The following SPATS2 variants were observed in gnomAD, a reference collection of about 807,000 sequenced individuals.
SPATS2 encodes the protein spermatogenesis associated serine rich 2, also known as spermatogenesis-associated serine-rich protein 2.
A neutral mutation model predicts 63.7 loss-of-function variants in SPATS2; 38 were observed. The ratio of observed to expected loss-of-function variants is 0.60; its 90% CI spans 0.46 to 0.78. The LOEUF (loss-of-function observed/expected upper bound fraction) is 0.78, where lower values mean the gene tolerates loss of function less well. SPATS2 is among the 30% of genes least tolerant of loss of function. The probability of loss-of-function intolerance (pLI) is 0.00; values close to 1 mark genes in which losing one functional copy is unlikely to be tolerated. For missense variants in SPATS2, 588 were observed against 666.2 expected, an observed-to-expected ratio of 0.88 and a Z score of 1.29; for synonymous variants, 207 against 232.9, an observed-to-expected ratio of 0.89 and a Z score of 1.01.
chr12:49,431,750 AG>A (rs1180206813), intron 2 of SPATS2, among the ~76,000 whole-genome samples: 2 of 151,958 alleles, frequency 1.3e-5, no homozygotes, highest in Non-Finnish European at 2.9e-5. Flanking sequence ...TTGTCTTGCT[AG>A]GGTGGGTGTG....
At chr12:49,402,338 G>T (rs570327978) in intron 2 of SPATS2, among the ~76,000 whole-genome samples, 15 of 152,314 alleles carry the variant, frequency 9.8e-5, no homozygotes, top group African/African-American at 3.6e-4. Flanking sequence ...GGAGGAAAAT[G>T]AGGATGTAAG....
intron 2 of SPATS2, among the ~76,000 whole-genome samples, chr12:49,435,533 C>T (rs566434875): frequency 1.3e-5 from 2 of 149,520 alleles, no homozygotes; most frequent in South Asian, 4.3e-4. Context: ...GCCATGATGG[C>T]CAGGCTGGTC....
chr12:49,444,508 T>C (rs952711692), intron 2 of SPATS2, among the ~76,000 whole-genome samples: 3 of 152,114 alleles, frequency 2.0e-5, no homozygotes. Flanking sequence ...TGTGAGCCAT[T>C]ACACCCAGCC....
chr12:49,491,021 G>T, intron 6 of SPATS2: 1 of 232,478 alleles, frequency 4.3e-6, no homozygotes. Flanking sequence ...GCACGTGCCT[G>T]TAATCCCAGT....
chr12:49,458,754 G>A lies in SPATS2; in HGVS notation c.-243-2016G>A, dbSNP rs1001301462. On this transcript the variant is annotated intron_variant, in intron 2 of 13. Coordinates refer to ENST00000552918, the MANE Select transcript of SPATS2 (RefSeq NM_023071.4). ...CTCGTTTTTTTTTTTTTTTTTAATT[G>A]TTAGCACATCTCTGCTGGCAGGAAC... 1.1e-4 allele frequency among the ~76,000 whole-genome samples: 15 copies of A among 135,188 alleles called. 1 individual carries two copies. The highest frequency in any genetic ancestry group is 4.2e-4 in the African/African-American group (15 of 35,950). 88.7% of individuals were successfully genotyped at this position (135,188 alleles called of 152,430 possible). A position where few individuals can be genotyped will look rare whatever the true frequency, so the allele number is the denominator to read the frequency against.
intron 2 of SPATS2, among the ~76,000 whole-genome samples, chr12:49,443,798 T>C (rs1945465032): frequency 6.6e-6 from 1 of 152,192 alleles, no homozygotes; most frequent in Admixed American, 6.5e-5. Flanking sequence ...TGTCCATAGA[T>C]ATGAAGGTTT....
Position 49,494,971 on chromosome 12 carries a change from G to A in SPATS2, c.495G>A (p.Glu165=). 3 of 1,613,514 alleles carry A rather than the reference G, an allele frequency of 1.9e-6. No individual in the cohort carries two copies. Among genetic ancestry groups the A allele is most frequent in the Non-Finnish European group, 2.5e-6 (3 of 1,179,782 alleles). Residue 165 remains glutamate (E), a synonymous_variant, in exon 7 of 14, where the codon GAG becomes GAA. Coordinates refer to ENST00000552918, the MANE Select transcript of SPATS2 (RefSeq NM_023071.4). ...ATGCCAGAGAATTGGAGGATCCCGA[G>A]TCTGCCATGCTAGATACGCTGGATA... ...SIDARELEDP[E]SAMLDTLDRT...
At chr12:49,445,088 A>G (rs2137573780) in intron 2 of SPATS2, among the ~76,000 whole-genome samples, 1 of 152,146 alleles carries the variant, frequency 6.6e-6, no homozygotes, top group South Asian at 2.1e-4. Flanking sequence ...TGATGCCTTT[A>G]CTTTCTTTTC....
chr12:49,478,657 A>G (rs907439671), intron 3 of SPATS2, among the ~76,000 whole-genome samples: 1 of 152,188 alleles, frequency 6.6e-6, no homozygotes, highest in Admixed American at 6.5e-5. Flanking sequence ...ATTAGAGAAA[A>G]TATGTTAAGT....
chr12:49,412,110 A>G (rs1254387224), intron 2 of SPATS2, among the ~76,000 whole-genome samples: 1 of 152,186 alleles, frequency 6.6e-6, no homozygotes, highest in East Asian at 1.9e-4. Context: ...AGTTCTGCAG[A>G]TACAACTGCA....
intron 3 of SPATS2, among the ~76,000 whole-genome samples, chr12:49,481,642 A>G (rs756029512): frequency 3.3e-5 from 5 of 151,356 alleles, no homozygotes; most frequent in Non-Finnish European, 7.4e-5. Flanking sequence ...TAATTTTTGT[A>G]TTTTTAGTAG....
intron 2 of SPATS2, among the ~76,000 whole-genome samples, chr12:49,391,496 G>A (rs1238845246): frequency 6.6e-6 from 1 of 152,184 alleles, no homozygotes; most frequent in African/African-American, 2.4e-5. Context: ...TGGGCAACAG[G>A]GCAAGACTGC....
intron 2 of SPATS2, among the ~76,000 whole-genome samples, chr12:49,375,492 C>T (rs562842632): frequency 6.6e-5 from 10 of 152,282 alleles, no homozygotes; most frequent in African/African-American, 2.4e-4. Context: ...CATAGCATGT[C>T]AGTGTGGTTA....
At chr12:49,371,844 C>A (rs1174325290) in intron 2 of SPATS2, among the ~76,000 whole-genome samples, 1 of 152,068 alleles carries the variant, frequency 6.6e-6, no homozygotes, top group Admixed American at 6.6e-5. Context: ...GAAACCACCC[C>A]AATATTCCAG....
rs552040413 is a variant in SPATS2 at position 49,450,288 on chromosome 12, T to C, written c.-243-10482T>C. Among the ~76,000 whole-genome samples the C allele has an allele frequency of 5.9e-5, 9 of 152,178 alleles. No homozygotes were observed. The East Asian group carries it at 1.7e-3, about 29-fold the overall frequency. Reference sequence around the variant, plus strand: ...TTTTTGAGATGGAGTCTCGCTCTTTTGCCCAGGCTGGCGTGCAGTGGCACC... The same window carrying C: ...TTTTTGAGATGGAGTCTCGCTCTTTCGCCCAGGCTGGCGTGCAGTGGCACC... On this transcript the variant is annotated intron_variant, in intron 2 of 13. Transcript: ENST00000552918.
At position 49,367,474 on chromosome 12, in the gene SPATS2, G is replaced by A; in HGVS notation, c.-420G>A. On this transcript the variant is annotated 5_prime_UTR_variant, in exon 1 of 14. Coordinates refer to ENST00000552918, the MANE Select transcript of SPATS2 (RefSeq NM_023071.4). ...GGAGGAGCGCGGCGGCGACGGCGGCGGTGGCTCTAGAAGGGGAGGTGGAGG... is the reference window on the plus strand; with the variant it reads ...GGAGGAGCGCGGCGGCGACGGCGGCAGTGGCTCTAGAAGGGGAGGTGGAGG... The A allele has an allele frequency of 2.5e-6, 1 of 400,988 alleles. No homozygotes were observed. The highest frequency in any genetic ancestry group is 3.6e-5 in the East Asian group (1 of 28,156). The allele number at this position is 400,988 out of a possible 1,614,324, so 24.8% of individuals were successfully genotyped here.
At chr12:49,514,327 A>C in intron 9 of SPATS2, 1 of 474,654 alleles carries the variant, frequency 2.1e-6, no homozygotes, top group East Asian at 3.6e-5. Context: ...ATGTACCAAT[A>C]TTGCAATATA....
intron 3 of SPATS2, among the ~76,000 whole-genome samples, chr12:49,466,190 G>T (rs1030566938): frequency 6.6e-6 from 1 of 151,796 alleles, no homozygotes; most frequent in African/African-American, 2.4e-5. Context: ...TTGAAACGGA[G>T]TCTCTCTCTG....
At chr12:49,419,405 A>G (rs1466678665) in intron 2 of SPATS2, among the ~76,000 whole-genome samples, 1 of 152,236 alleles carries the variant, frequency 6.6e-6, no homozygotes, top group Non-Finnish European at 1.5e-5. Flanking sequence ...AATGCTAAGT[A>G]TAAAGATTTT....
Sources: gnomAD v4.1 joint callset for allele counts (sites outside exome capture counted in the v4.1 genomes callset) on GRCh38, gnomAD v4.1.1 for gene constraint, MANE v1.5 for transcripts, NCBI Gene and HGNC (gene_info 2026-07-23, HGNC 2026-07-21) for gene names.